The following DCC variants were observed in gnomAD, a reference collection of about 807,000 sequenced individuals.
DCC encodes the protein DCC netrin 1 receptor.
A neutral mutation model predicts 172.5 loss-of-function variants in DCC; 58 were observed. That is an observed-to-expected ratio of 0.34 (90% confidence interval 0.27 to 0.42). The LOEUF is 0.42. Ranked by LOEUF, DCC falls within the 10% of genes least tolerant of loss-of-function variation. The pLI, the probability that DCC is intolerant of heterozygous loss-of-function variation, is 1.00. For synonymous variants in DCC, 709 were observed against 644.5 expected, an observed-to-expected ratio of 1.10 and a Z score of -1.52; for missense variants, 1,740 against 1,791.0, an observed-to-expected ratio of 0.97 and a Z score of 0.51.
rs116895481 is a variant in DCC at position 53,386,688 on chromosome 18, C to T, written c.2455+550C>T. On this transcript the variant is annotated intron_variant, in intron 16 of 28. Transcript: ENST00000442544. ...CCAGCAGTGCCCAGGGCCTCAGGAC[C>T]TTAAAGGGATAGCTGATTTAAGGCC... is the stretch of plus-strand genomic sequence containing the variant. 5.9e-3 allele frequency among the ~76,000 whole-genome samples: 894 copies of T among 152,248 alleles called. 3 individuals carry two copies. Among genetic ancestry groups the T allele is most frequent in the Middle Eastern group, 0.037 (11 of 294 alleles).
intron 18 of DCC, among the ~76,000 whole-genome samples, chr18:53,402,416 A>T (rs1312522026): frequency 1.3e-5 from 2 of 151,768 alleles, no homozygotes; most frequent in Non-Finnish European, 2.9e-5. Context: ...AAATAAATAA[A>T]TAATAAACTA....
chr18:53,311,017 C>CACACACACACACAT (rs1315056325), intron 13 of DCC, among the ~76,000 whole-genome samples: 3 of 152,070 alleles, frequency 2.0e-5, no homozygotes, highest in East Asian at 1.9e-4. Context: ...CACACACACA[C>CACACACACACACAT]ATTGAGATTG....
intron 1 of DCC, among the ~76,000 whole-genome samples, chr18:52,494,450 T>A (rs944873110): frequency 5.9e-5 from 9 of 152,104 alleles, no homozygotes; most frequent in African/African-American, 1.9e-4. Flanking sequence ...CTCCTAATAG[T>A]ATTCCAATTA....
intron 1 of DCC, among the ~76,000 whole-genome samples, chr18:52,353,384 A>G (rs1054261867): frequency 1.3e-5 from 2 of 152,124 alleles, no homozygotes; most frequent in African/African-American, 4.8e-5. Flanking sequence ...CCCAGGGAAA[A>G]AGAAAGACAC....
chr18:52,823,594 G>A (rs1343956906), intron 2 of DCC, among the ~76,000 whole-genome samples: 2 of 152,036 alleles, frequency 1.3e-5, no homozygotes, highest in Admixed American at 6.6e-5. Flanking sequence ...AGATGTAGGG[G>A]ACTCACTCAT....
intron 2 of DCC, among the ~76,000 whole-genome samples, chr18:52,790,844 G>A (rs1054810618): frequency 2.6e-5 from 4 of 152,162 alleles, no homozygotes; most frequent in Non-Finnish European, 4.4e-5. Context: ...ATCCCTCCAT[G>A]AGAAGTCAAA....
intron 1 of DCC, among the ~76,000 whole-genome samples, chr18:52,556,068 A>G (rs535250965): frequency 2.1e-3 from 320 of 152,262 alleles, no homozygotes; most frequent in Non-Finnish European, 3.1e-3. Flanking sequence ...AATTTCATTG[A>G]AATACTTTCC....
intron 1 of DCC, among the ~76,000 whole-genome samples, chr18:52,495,374 C>T (rs538475712): frequency 6.6e-6 from 1 of 152,178 alleles, no homozygotes; most frequent in South Asian, 2.1e-4. Context: ...AGTCTCTGCC[C>T]AAGTGAAGGT....
At chr18:53,506,685 C>CCATCT (rs1568175183) in intron 27 of DCC, among the ~76,000 whole-genome samples, 3 of 151,962 alleles carry the variant, frequency 2.0e-5, no homozygotes, top group Admixed American at 6.6e-5. Context: ...CAGTGAAACC[C>CCATCT]CATCTCTACT....
intron 26 of DCC, among the ~76,000 whole-genome samples, chr18:53,498,002 C>A (rs1568169351): frequency 6.6e-6 from 1 of 152,182 alleles, no homozygotes; most frequent in Non-Finnish European, 1.5e-5. Context: ...GCTCAGCCAA[C>A]CTTGTATCTA....
intron 10 of DCC, among the ~76,000 whole-genome samples, chr18:53,206,258 A>G (rs1002429430): frequency 6.9e-4 from 93 of 135,340 alleles, no homozygotes; most frequent in African/African-American, 2.3e-3. Context: ...CATATATACC[A>G]CATATATGTA....
intron 21 of DCC, among the ~76,000 whole-genome samples, chr18:53,426,131 GT>G (rs1317291351): frequency 6.6e-6 from 1 of 150,934 alleles, no homozygotes; most frequent in African/African-American, 2.4e-5. Context: ...TGCCTTTTCA[GT>G]TTTTGTCCAC....
At chr18:52,846,281 C>A (rs2038887621) in intron 2 of DCC, among the ~76,000 whole-genome samples, 2 of 152,010 alleles carry the variant, frequency 1.3e-5, no homozygotes, top group African/African-American at 2.4e-5. Context: ...GTGGCACATG[C>A]CTGTAATCCC....
intron 1 of DCC, among the ~76,000 whole-genome samples, chr18:52,343,028 G>T (rs745421247): frequency 1.3e-5 from 2 of 152,200 alleles, no homozygotes; most frequent in African/African-American, 4.8e-5. Flanking sequence ...TATGTTGGTG[G>T]ATAGGCTAAC....
intron 5 of DCC, among the ~76,000 whole-genome samples, chr18:52,997,748 A>C (rs534019051): frequency 2.6e-5 from 4 of 152,248 alleles, no homozygotes; most frequent in African/African-American, 9.6e-5. Context: ...ATTTATACCA[A>C]GTGCCTCATA....
chr18:53,429,263 G>GACAACTTTTTTCACTTATCATTTGCCA (rs1319248002), intron 21 of DCC, among the ~76,000 whole-genome samples: 1 of 146,560 alleles, frequency 6.8e-6, no homozygotes. Flanking sequence ...TTTAGAAGAT[G>GACAACTTTTTTCACTTATCATTTGCCA]GTCTCTGCAA....
intron 1 of DCC, among the ~76,000 whole-genome samples, chr18:52,742,049 G>T (rs1009797651): frequency 6.6e-6 from 1 of 152,136 alleles, no homozygotes; most frequent in Admixed American, 6.5e-5. Context: ...GAACAAAGAA[G>T]AGGTCATGTG....
At chr18:52,506,432 T>C (rs1174284228) in intron 1 of DCC, among the ~76,000 whole-genome samples, 1 of 152,042 alleles carries the variant, frequency 6.6e-6, no homozygotes, top group Middle Eastern at 3.2e-3. Flanking sequence ...CAGTAATAAA[T>C]AAAAGGTACA....
intron 8 of DCC, among the ~76,000 whole-genome samples, chr18:53,158,835 T>C (rs891422566): frequency 6.6e-6 from 1 of 151,338 alleles, no homozygotes; most frequent in African/African-American, 2.4e-5. Flanking sequence ...CTTCTAAAAA[T>C]ACAAAAAATT....
Sources: allele counts gnomAD v4.1 joint callset (sites outside exome capture counted in the v4.1 genomes callset), GRCh38; gene constraint gnomAD v4.1.1; transcripts MANE v1.5; gene names NCBI Gene and HGNC (gene_info 2026-07-23, HGNC 2026-07-21).